The following MLLT3 variants were observed in gnomAD, a reference collection of about 807,000 sequenced individuals.
The protein encoded by MLLT3 is protein AF-9.
Under a neutral mutation model 53.2 loss-of-function variants are expected in MLLT3, and 4 were observed. That is an observed-to-expected ratio of 0.08 (90% CI 0.04 to 0.17). The LOEUF (loss-of-function observed/expected upper bound fraction) is 0.17, where lower values mean the gene tolerates loss of function less well. Among genes scored for constraint, MLLT3 ranks in the 10% least tolerant of loss-of-function variants. The probability of loss-of-function intolerance (pLI) is 1.00; values close to 1 mark genes in which losing one functional copy is unlikely to be tolerated. For missense variants in MLLT3, 569 were observed against 684.0 expected, an observed-to-expected ratio of 0.83 and a Z score of 1.87; for synonymous variants, 283 against 230.6, an observed-to-expected ratio of 1.23 and a Z score of -2.06.
At chr9:20,468,062 C>G (rs1291003936) in intron 2 of MLLT3, among the ~76,000 whole-genome samples, 1 of 152,168 alleles carries the variant, frequency 6.6e-6, no homozygotes. Context: ...GTTCAGTTCC[C>G]TCATTTACAA....
At chr9:20,591,069 A>C (rs1393110836) in intron 2 of MLLT3, among the ~76,000 whole-genome samples, 2 of 152,148 alleles carry the variant, frequency 1.3e-5, no homozygotes, top group Non-Finnish European at 2.9e-5. Flanking sequence ...TTTAAAAAGA[A>C]CACAAGGGAC....
At chr9:20,604,084 G>C (rs923448477) in intron 2 of MLLT3, among the ~76,000 whole-genome samples, 1 of 152,070 alleles carries the variant, frequency 6.6e-6, no homozygotes, top group African/African-American at 2.4e-5. Context: ...TCACGTAGCA[G>C]TGGGTTTCAA....
chr9:20,591,132 G>C (rs1033432344), intron 2 of MLLT3, among the ~76,000 whole-genome samples: 2 of 152,042 alleles, frequency 1.3e-5, no homozygotes, highest in Admixed American at 1.3e-4. Flanking sequence ...ATACCTAGTG[G>C]CATTCTGAAT....
chr9:20,381,345 A>C lies in MLLT3; in HGVS notation c.1126-15601T>G, dbSNP rs372504365. On this transcript the variant is annotated intron_variant, in intron 5 of 10. Coordinates refer to ENST00000380338, the MANE Select transcript of MLLT3 (RefSeq NM_004529.4). ...TCTCCTTGAATGTAGTTCCAGGAAA[A>C]TTTATTTCTGCTGAAGAATGTGCAC... Among the ~76,000 whole-genome samples, 4 of 151,902 alleles carry C rather than the reference A, an allele frequency of 2.6e-5. No individual in the cohort carries two copies. The East Asian group carries it at 5.8e-4, about 22-fold the overall frequency.
chr9:20,472,170 G>T (rs893820341), intron 2 of MLLT3, among the ~76,000 whole-genome samples: 1 of 151,900 alleles, frequency 6.6e-6, no homozygotes, highest in Non-Finnish European at 1.5e-5. Context: ...TTAAAACCCA[G>T]ATATTATTTA....
intron 5 of MLLT3, among the ~76,000 whole-genome samples, chr9:20,382,215 T>C (rs1327261868): frequency 1.3e-5 from 2 of 151,870 alleles, no homozygotes; most frequent in African/African-American, 4.8e-5. Context: ...CATCAAAACC[T>C]CCTGTGGCTT....
At chr9:20,384,670 T>C (rs527966223) in intron 5 of MLLT3, among the ~76,000 whole-genome samples, 1 of 152,228 alleles carries the variant, frequency 6.6e-6, no homozygotes, top group Admixed American at 6.5e-5. Flanking sequence ...TTTCTTCCCA[T>C]GTGATGGAGT....
At position 20,622,442 on chromosome 9, in the gene MLLT3, C is replaced by A. The variant is rs1159798888; in HGVS notation, c.-186G>T. The A allele has an allele frequency of 1.1e-5, 6 of 561,042 alleles. No homozygotes were observed. The highest frequency in any genetic ancestry group is 1.9e-5 in the Non-Finnish European group (6 of 318,320). The allele number at this position is 561,042 out of a possible 1,614,324, so 34.8% of individuals were successfully genotyped here. On this transcript the variant is annotated 5_prime_UTR_variant, in exon 1 of 11. Transcript: ENST00000380338. ...TGCTCGCTCGCTCGCTTATTAAACT[C>A]AGCCCCAAAAGCAAAAGCAGCAGCA...
chr9:20,341,809 T>C lies in MLLT3; in HGVS notation c.*4634A>G, dbSNP rs1820742891. 4.9e-6 allele frequency: 1 copy of C among 202,852 alleles called. No homozygotes were observed. Among genetic ancestry groups the C allele is most frequent in the African/African-American group, 2.3e-5 (1 of 43,626 alleles). The allele number at this position is 202,852 out of a possible 1,614,324, so 12.6% of individuals were successfully genotyped here. ...GACTCTCTCTGGCTATAGCACATTGTTTCTGAACAAAACCCTCCAAAGAAA... is the reference window on the plus strand; with the variant it reads ...GACTCTCTCTGGCTATAGCACATTGCTTCTGAACAAAACCCTCCAAAGAAA... On this transcript the variant is annotated 3_prime_UTR_variant, in exon 11 of 11. Coordinates refer to ENST00000380338, the MANE Select transcript of MLLT3 (RefSeq NM_004529.4).
intron 8 of MLLT3, among the ~76,000 whole-genome samples, chr9:20,357,094 A>C (rs989591584): frequency 6.6e-5 from 10 of 152,200 alleles, no homozygotes; most frequent in Admixed American, 5.2e-4. Flanking sequence ...AAAAAGTACA[A>C]CACCTTGTCT....
intron 2 of MLLT3, among the ~76,000 whole-genome samples, chr9:20,611,872 C>G (rs1820712394): frequency 6.6e-6 from 1 of 152,130 alleles, no homozygotes; most frequent in Non-Finnish European, 1.5e-5. Context: ...CATGTAATTG[C>G]AATTCTTACC....
intron 2 of MLLT3, among the ~76,000 whole-genome samples, chr9:20,489,415 C>A (rs1436656795): frequency 3.3e-5 from 5 of 152,092 alleles, no homozygotes; most frequent in African/African-American, 1.2e-4. Context: ...ATATGTCTAA[C>A]AAAATCATTA....
chr9:20,561,907 G>A (rs1819223981), intron 2 of MLLT3, among the ~76,000 whole-genome samples: 1 of 151,584 alleles, frequency 6.6e-6, no homozygotes, highest in African/African-American at 2.4e-5. Context: ...TCCTTTTGAA[G>A]AATGTAGAGT....
chr9:20,540,501 T>C (rs1411401553), intron 2 of MLLT3, among the ~76,000 whole-genome samples: 1 of 152,212 alleles, frequency 6.6e-6, no homozygotes, highest in Non-Finnish European at 1.5e-5. Flanking sequence ...CACCATGGCT[T>C]GGGGCTTGAA....
chr9:20,555,556 T>C (rs16938109), intron 2 of MLLT3, among the ~76,000 whole-genome samples: 6,785 of 152,346 alleles, frequency 0.045, 177 homozygotes, highest in African/African-American at 0.066. Flanking sequence ...GTATAACATT[T>C]AGGGCACATG....
intron 2 of MLLT3, among the ~76,000 whole-genome samples, chr9:20,593,431 A>G (rs1000041636): frequency 4.6e-5 from 7 of 152,210 alleles, no homozygotes; most frequent in African/African-American, 1.7e-4. Context: ...GAAACCATCA[A>G]AGCCAGTTTT....
At chr9:20,520,338 CT>C (rs535422767) in intron 2 of MLLT3, among the ~76,000 whole-genome samples, 346 of 151,932 alleles carry the variant, frequency 2.3e-3, no homozygotes, top group South Asian at 1.0e-2. Context: ...ACATGGACCC[CT>C]GAACTTAAAA....
chr9:20,554,843 C>T (rs1054509608), intron 2 of MLLT3, among the ~76,000 whole-genome samples: 19 of 151,974 alleles, frequency 1.3e-4, no homozygotes, highest in African/African-American at 4.1e-4. Flanking sequence ...ATTTTGTTAA[C>T]CAATAAAATG....
chr9:20,529,401 T>C (rs1818274797), intron 2 of MLLT3, among the ~76,000 whole-genome samples: 1 of 152,226 alleles, frequency 6.6e-6, no homozygotes, highest in Non-Finnish European at 1.5e-5. Context: ...TATGTTCAGA[T>C]TAAAAGTTCT....
Sources: allele counts gnomAD v4.1 joint callset (sites outside exome capture counted in the v4.1 genomes callset), GRCh38; gene constraint gnomAD v4.1.1; transcripts MANE v1.5; gene names NCBI Gene and HGNC (gene_info 2026-07-23, HGNC 2026-07-21).